The following LRRTM4 variants were observed in gnomAD, a reference collection of about 807,000 sequenced individuals.
LRRTM4 encodes leucine-rich repeat transmembrane neuronal protein 4.
A neutral mutation model predicts 47.6 loss-of-function variants in LRRTM4; 25 were observed. The ratio of observed to expected loss-of-function variants is 0.53; its 90% CI spans 0.38 to 0.73. The LOEUF is 0.73. Ranked by LOEUF, LRRTM4 falls within the 30% of genes least tolerant of loss-of-function variation. The probability of loss-of-function intolerance (pLI) is 0.00; values close to 1 mark genes in which losing one functional copy is unlikely to be tolerated. For missense variants in LRRTM4, 638 were observed against 713.4 expected (o/e 0.89, Z 1.20); for synonymous variants, 311 against 269.5 (o/e 1.15, Z -1.51).
intron 3 of LRRTM4, among the ~76,000 whole-genome samples, chr2:76,905,829 A>G (rs62170293): frequency 0.014 from 2,080 of 152,332 alleles, 18 homozygotes; most frequent in Middle Eastern, 0.048. Flanking sequence ...AAAGCCTCCA[A>G]GAAATATGGG....
intron 3 of LRRTM4, among the ~76,000 whole-genome samples, chr2:77,313,958 C>T (rs1292961017): frequency 6.6e-6 from 1 of 152,118 alleles, no homozygotes; most frequent in Non-Finnish European, 1.5e-5. Flanking sequence ...AAAATGAAGA[C>T]ACGTTGCAAT....
chr2:76,962,865 T>G (rs1675905513), intron 3 of LRRTM4, among the ~76,000 whole-genome samples: 1 of 150,726 alleles, frequency 6.6e-6, no homozygotes, highest in African/African-American at 2.4e-5. Flanking sequence ...ATGCTAAACT[T>G]TACATTTTTA....
chr2:77,295,794 T>C (rs1223794749), intron 3 of LRRTM4, among the ~76,000 whole-genome samples: 1 of 151,608 alleles, frequency 6.6e-6, no homozygotes. Flanking sequence ...ACACCAATCA[T>C]ATTAGATGAG....
At position 77,151,922 on chromosome 2, in the gene LRRTM4, G is replaced by A. The variant is rs945860249; in HGVS notation, c.1551+366396C>T. On this transcript the variant is annotated intron_variant, in intron 3 of 3. Transcript: ENST00000409884. ...GTTTCTAAACATGAAGAAATTTACA[G>A]CATAATGTCCTTGCTTTTAAAGGAA... Among the ~76,000 whole-genome samples the A allele has an allele frequency of 3.9e-5, 6 of 151,910 alleles. 1 individual carries two copies. Among genetic ancestry groups the A allele is most frequent in the Admixed American group, 6.6e-5 (1 of 15,264 alleles).
intron 3 of LRRTM4, among the ~76,000 whole-genome samples, chr2:76,862,322 CA>C (rs1264722585): frequency 1.3e-5 from 2 of 152,116 alleles, no homozygotes; most frequent in South Asian, 2.1e-4. Context: ...AATTAAATGG[CA>C]ATTCACAGCA....
intron 3 of LRRTM4, among the ~76,000 whole-genome samples, chr2:76,951,369 T>TA (rs1317651076): frequency 2.6e-5 from 4 of 152,070 alleles, no homozygotes; most frequent in South Asian, 2.1e-4. Context: ...TCGGAGTCTA[T>TA]AAAAAAACAA....
At chr2:77,367,467 G>A (rs1672506074) in intron 3 of LRRTM4, among the ~76,000 whole-genome samples, 1 of 151,662 alleles carries the variant, frequency 6.6e-6, no homozygotes, top group Non-Finnish European at 1.5e-5. Context: ...TGTGTACAAA[G>A]CATATCTCAG....
intron 3 of LRRTM4, among the ~76,000 whole-genome samples, chr2:77,051,655 T>TA (rs1463359618): frequency 5.3e-5 from 8 of 152,152 alleles, no homozygotes; most frequent in Admixed American, 3.9e-4. Flanking sequence ...TTCTCTGGGA[T>TA]AGATAGTACA....
At chr2:77,226,686 C>T (rs1216193887) in intron 3 of LRRTM4, among the ~76,000 whole-genome samples, 3 of 151,728 alleles carry the variant, frequency 2.0e-5, no homozygotes, top group Non-Finnish European at 2.9e-5. Flanking sequence ...ATAAGTGAAA[C>T]GTTTGTTTTC....
chr2:76,829,919 C>G (rs1423023767), intron 3 of LRRTM4, among the ~76,000 whole-genome samples: 1 of 151,994 alleles, frequency 6.6e-6, no homozygotes, highest in Non-Finnish European at 1.5e-5. Context: ...AAGAAACATG[C>G]ATGGACATTT....
At chr2:77,116,675 C>T (rs941811755) in intron 3 of LRRTM4, among the ~76,000 whole-genome samples, 1 of 152,130 alleles carries the variant, frequency 6.6e-6, no homozygotes, top group African/African-American at 2.4e-5. Context: ...CAAGATTCAG[C>T]ACTCTTTATT....
At chr2:77,416,597 A>G in intron 3 of LRRTM4, among the ~76,000 whole-genome samples, 1 of 152,114 alleles carries the variant, frequency 6.6e-6, no homozygotes, top group East Asian at 1.9e-4. Flanking sequence ...AAATAAACAC[A>G]GGAAATTACT....
chr2:77,357,498 T>A (rs993099148), intron 3 of LRRTM4, among the ~76,000 whole-genome samples: 3 of 152,162 alleles, frequency 2.0e-5, no homozygotes, highest in African/African-American at 7.2e-5. Context: ...ATGAAAAGCA[T>A]CTAGTTAGGC....
intron 3 of LRRTM4, among the ~76,000 whole-genome samples, chr2:77,066,433 T>C (rs761886319): frequency 1.2e-4 from 18 of 152,234 alleles, no homozygotes; most frequent in Non-Finnish European, 2.6e-4. Context: ...TGATTCATGC[T>C]GTGAAGTTCA....
intron 3 of LRRTM4, among the ~76,000 whole-genome samples, chr2:77,010,267 G>C (rs1416635966): frequency 6.6e-6 from 1 of 151,914 alleles, no homozygotes; most frequent in South Asian, 2.1e-4. Context: ...TATTTGTGTT[G>C]TTTGATTAAT....
At chr2:76,894,146 G>A (rs974736402) in intron 3 of LRRTM4, among the ~76,000 whole-genome samples, 2 of 151,926 alleles carry the variant, frequency 1.3e-5, no homozygotes, top group African/African-American at 4.8e-5. Flanking sequence ...AAATACTTGG[G>A]TATTCAAAAT....
intron 3 of LRRTM4, among the ~76,000 whole-genome samples, chr2:77,034,733 C>T (rs991388197): frequency 3.9e-5 from 6 of 151,906 alleles, no homozygotes; most frequent in Admixed American, 6.6e-5. Flanking sequence ...AAGTGTATCA[C>T]GTCTGCCTGT....
At chr2:76,974,141 C>CACATACAT (rs1676315797) in intron 3 of LRRTM4, among the ~76,000 whole-genome samples, 1 of 82,380 alleles carries the variant, frequency 1.2e-5, no homozygotes. Context: ...CATATATATA[C>CACATACAT]ATATATATAC....
At chr2:76,842,142 G>C (rs1308739903) in intron 3 of LRRTM4, among the ~76,000 whole-genome samples, 1 of 152,124 alleles carries the variant, frequency 6.6e-6, no homozygotes, top group Non-Finnish European at 1.5e-5. Context: ...CAAATCAGCC[G>C]AGGGCCTGAA....
Sources: gnomAD v4.1 joint callset for allele counts (sites outside exome capture counted in the v4.1 genomes callset) on GRCh38, gnomAD v4.1.1 for gene constraint, MANE v1.5 for transcripts, NCBI Gene and HGNC (gene_info 2026-07-23, HGNC 2026-07-21) for gene names.